The following PDE4B variants were observed in gnomAD, a reference collection of about 807,000 sequenced individuals.
PDE4B encodes the protein 3',5'-cyclic-AMP phosphodiesterase 4B.
PDE4B carries 20 observed loss-of-function variants against 82.2 expected under a neutral mutation model. That is an observed-to-expected ratio of 0.24 (90% CI 0.17 to 0.35). The LOEUF is 0.35. Among genes scored for constraint, PDE4B ranks in the 10% least tolerant of loss-of-function variants. The pLI, the probability that PDE4B is intolerant of heterozygous loss-of-function variation, is 1.00. For synonymous variants in PDE4B, 320 were observed against 318.9 expected, an observed-to-expected ratio of 1.00 and a Z score of -0.04; for missense variants, 655 against 907.2, an observed-to-expected ratio of 0.72 and a Z score of 3.57.
intron 4 of PDE4B, among the ~76,000 whole-genome samples, 188 bp downstream of exon 4, chr1:66,247,842 G>A (rs923007877): frequency 2.0e-5 from 3 of 152,152 alleles, no homozygotes; most frequent in African/African-American, 7.2e-5. Context: ...ATATGTAGCT[G>A]GGGTCTCCAA....
intron 3 of PDE4B, among the ~76,000 whole-genome samples, chr1:66,095,827 T>C (rs1645103116): frequency 6.6e-6 from 1 of 151,976 alleles, no homozygotes; most frequent in Non-Finnish European, 1.5e-5. Flanking sequence ...AAAAGGTCTT[T>C]TATGTTAACC....
intron 3 of PDE4B, among the ~76,000 whole-genome samples, chr1:66,015,174 T>C (rs1173300162): frequency 2.0e-5 from 3 of 152,184 alleles, no homozygotes; most frequent in Non-Finnish European, 4.4e-5. Flanking sequence ...ATGCATTCAT[T>C]TTCTCTTTTC....
intron 8 of PDE4B, among the ~76,000 whole-genome samples, chr1:66,344,719 TAA>T (rs569661883): frequency 3.3e-4 from 51 of 152,304 alleles, no homozygotes; most frequent in Non-Finnish European, 5.1e-4. Flanking sequence ...CTCCTTTTCG[TAA>T]AGTTAATAAA....
At chr1:66,246,953 T>C (rs568545011) in intron 3 of PDE4B, among the ~76,000 whole-genome samples, 2 of 152,374 alleles carry the variant, frequency 1.3e-5, no homozygotes, top group South Asian at 4.1e-4. Flanking sequence ...ACTTTGTTCC[T>C]GAAACATTTA....
intron 3 of PDE4B, among the ~76,000 whole-genome samples, chr1:65,961,050 A>G (rs1351241736): frequency 1.3e-5 from 2 of 152,188 alleles, no homozygotes; most frequent in Non-Finnish European, 2.9e-5. Context: ...TTGGACAAGA[A>G]ACAAAACAGA....
chr1:66,144,306 G>T (rs1208812197), intron 3 of PDE4B, among the ~76,000 whole-genome samples: 1 of 152,136 alleles, frequency 6.6e-6, no homozygotes, highest in Non-Finnish European at 1.5e-5. Flanking sequence ...TTTACTGGAT[G>T]CCAGGGATAC....
At chr1:66,003,173 A>T (rs1651958696) in intron 3 of PDE4B, among the ~76,000 whole-genome samples, 1 of 152,146 alleles carries the variant, frequency 6.6e-6, no homozygotes, top group Non-Finnish European at 1.5e-5. Flanking sequence ...CCACAGTGTG[A>T]CAATTCAGTA....
At chr1:66,074,089 A>G (rs1656298845) in intron 3 of PDE4B, among the ~76,000 whole-genome samples, 1 of 152,070 alleles carries the variant, frequency 6.6e-6, no homozygotes, top group Non-Finnish European at 1.5e-5. Context: ...CAGGCAGGCA[A>G]TCTTACCCAT....
At chr1:65,949,386 G>A (rs1648879259) in intron 3 of PDE4B, among the ~76,000 whole-genome samples, 2 of 152,118 alleles carry the variant, frequency 1.3e-5, no homozygotes, top group Non-Finnish European at 1.5e-5. Context: ...TTTACTGTAG[G>A]CCTTTCCTTT....
At chr1:66,036,829 C>A (rs1255338703) in intron 3 of PDE4B, among the ~76,000 whole-genome samples, 1 of 152,096 alleles carries the variant, frequency 6.6e-6, no homozygotes, top group East Asian at 1.9e-4. Context: ...TGATTCCGTA[C>A]AAATTTTATA....
intron 1 of PDE4B, among the ~76,000 whole-genome samples, chr1:65,838,222 T>A (rs1211686371): frequency 6.6e-6 from 1 of 152,076 alleles, no homozygotes; most frequent in Non-Finnish European, 1.5e-5. Context: ...ACATTATTTT[T>A]CAAAATGGGT....
chr1:66,215,530 A>G (rs1171149755), intron 3 of PDE4B, among the ~76,000 whole-genome samples: 1 of 152,152 alleles, frequency 6.6e-6, no homozygotes, highest in African/African-American at 2.4e-5. Flanking sequence ...TAAGCTGGCC[A>G]TGTTACTGCT....
intron 1 of PDE4B, among the ~76,000 whole-genome samples, chr1:65,804,978 G>A (rs1258028003): frequency 7.3e-6 from 1 of 137,120 alleles, no homozygotes; most frequent in African/African-American, 2.7e-5. Flanking sequence ...TGGGTGGGGG[G>A]TGGGAGGACT....
chr1:66,364,507 G>A (rs1459680917), intron 12 of PDE4B, among the ~76,000 whole-genome samples: 2 of 152,080 alleles, frequency 1.3e-5, no homozygotes, highest in African/African-American at 4.8e-5. Context: ...AAATGTGCTG[G>A]ACCACTGCAG....
intron 3 of PDE4B, among the ~76,000 whole-genome samples, chr1:66,056,624 A>G (rs1417316251): frequency 6.6e-6 from 1 of 151,594 alleles, no homozygotes; most frequent in Non-Finnish European, 1.5e-5. Context: ...GGGTTATATG[A>G]TTGTGATCAG....
chr1:65,991,099 A>C lies in PDE4B; in HGVS notation c.281+72264A>C, dbSNP rs1293213696. On this transcript the variant is annotated intron_variant, in intron 3 of 16. Coordinates refer to ENST00000341517, the MANE Select transcript of PDE4B (RefSeq NM_002600.4). ...GATGAATGATTTTTTTTTTTTTTTG[A>C]GACAAAGGCACACTGTCACCAAGGC... Among the ~76,000 whole-genome samples the C allele has an allele frequency of 2.1e-5, 3 of 142,544 alleles. No individual in the cohort carries two copies. The East Asian group carries it at 6.0e-4, about 29-fold the overall frequency. The allele number at this position is 142,544 out of a possible 152,430, so 93.5% of individuals were successfully genotyped here.
intron 3 of PDE4B, among the ~76,000 whole-genome samples, chr1:66,237,314 ATT>A (rs1652534997): frequency 6.6e-6 from 1 of 152,206 alleles, no homozygotes; most frequent in Non-Finnish European, 1.5e-5. Context: ...TTGATTTCCA[ATT>A]TTATGATTAT....
intron 3 of PDE4B, among the ~76,000 whole-genome samples, chr1:65,919,737 G>A (rs1476052432): frequency 6.8e-6 from 1 of 146,262 alleles, no homozygotes; most frequent in Admixed American, 7.0e-5. Context: ...TTTTTATGGT[G>A]TACCATGTAC....
intron 7 of PDE4B, among the ~76,000 whole-genome samples, chr1:66,293,243 G>C (rs543737361): frequency 6.6e-6 from 1 of 152,116 alleles, no homozygotes; most frequent in Non-Finnish European, 1.5e-5. Context: ...GTCTCCTCAC[G>C]TGCAGCAGTC....
Sources: gnomAD v4.1 joint callset for allele counts (sites outside exome capture counted in the v4.1 genomes callset) on GRCh38, gnomAD v4.1.1 for gene constraint, MANE v1.5 for transcripts, NCBI Gene and HGNC (gene_info 2026-07-23, HGNC 2026-07-21) for gene names.